SDCBP: variants seen among roughly 807,000 people sequenced by gnomAD.
SDCBP encodes the protein syndecan binding protein.
In SDCBP, 22 loss-of-function variants were observed where a neutral mutation model predicts 30.5. The observed-to-expected ratio is 0.72, with a 90% confidence interval of 0.52 to 1.03. SDCBP has a LOEUF of 1.03. SDCBP is among the 50% of genes least tolerant of loss of function. The probability of loss-of-function intolerance (pLI) is 0.00; values close to 1 mark genes in which losing one functional copy is unlikely to be tolerated. For missense variants in SDCBP, 304 were observed against 369.9 expected (o/e 0.82, Z 1.46); for synonymous variants, 103 against 118.7 (o/e 0.87, Z 0.86).
At chr8:58,561,403 C>A (rs757894901) in intron 1 of SDCBP, 3 of 166,012 alleles carry the variant, frequency 1.8e-5, no homozygotes, top group Non-Finnish European at 2.6e-5. Context: ...TAGAACAATC[C>A]GAAGACATCT....
At chr8:58,555,520 A>G (rs1297587294) in intron 1 of SDCBP, among the ~76,000 whole-genome samples, 2 of 151,880 alleles carry the variant, frequency 1.3e-5, no homozygotes, top group African/African-American at 4.9e-5. Flanking sequence ...CAGGATACTT[A>G]TTAAAAAGAA....
chr8:58,560,587 GCT>G (rs1162651515), intron 1 of SDCBP: 1 of 152,326 alleles, frequency 6.6e-6, no homozygotes, highest in Non-Finnish European at 1.5e-5. Context: ...GCTTGCAGCA[GCT>G]CCAGAGAACC....
intron 2 of SDCBP, among the ~76,000 whole-genome samples, chr8:58,568,786 T>C (rs909019428): frequency 6.6e-6 from 1 of 152,192 alleles, no homozygotes; most frequent in Non-Finnish European, 1.5e-5. Context: ...CTGTATACCA[T>C]TGTAGCATTA....
chr8:58,562,931 T>C (rs1025065610), intron 1 of SDCBP, among the ~76,000 whole-genome samples: 1 of 152,170 alleles, frequency 6.6e-6, no homozygotes, highest in Non-Finnish European at 1.5e-5. Context: ...TCATATATGA[T>C]AGTGGTCTAT....
intron 2 of SDCBP, among the ~76,000 whole-genome samples, chr8:58,567,526 TTTACA>T (rs1240628733): frequency 6.6e-6 from 1 of 152,198 alleles, no homozygotes; most frequent in African/African-American, 2.4e-5. Context: ...AGTCTACATA[TTTACA>T]TTACATCACA....
At chr8:58,572,382 C>T in intron 4 of SDCBP, 68 bp downstream of exon 4, 1 of 1,065,240 alleles carries the variant, frequency 9.4e-7, no homozygotes. Context: ...AAGCTTTCCT[C>T]TTTGTGGCTA....
At chr8:58,570,280 AGTTT>A (rs758513518) in intron 2 of SDCBP, among the ~76,000 whole-genome samples, 2 of 152,152 alleles carry the variant, frequency 1.3e-5, no homozygotes, top group Non-Finnish European at 2.9e-5. Context: ...GATTTTGGCA[AGTTT>A]GTTTAACAGT....
At chr8:58,577,761 G>A (rs959013329) in intron 5 of SDCBP, among the ~76,000 whole-genome samples, 5 of 152,144 alleles carry the variant, frequency 3.3e-5, no homozygotes, top group Non-Finnish European at 7.4e-5. Flanking sequence ...GGGGATTGTG[G>A]TTGGTCAGGT....
At chr8:58,559,288 A>G (rs776222010) in intron 1 of SDCBP, among the ~76,000 whole-genome samples, 1 of 152,218 alleles carries the variant, frequency 6.6e-6, no homozygotes, top group Non-Finnish European at 1.5e-5. Flanking sequence ...TCAAAAATAG[A>G]AATAATATTA....
rs920140173 is a variant in SDCBP, at chr8:58,578,017, T to C, written c.403-16T>C. 2.5e-6 allele frequency: 4 copies of C among 1,601,572 alleles called. No individual in the cohort carries two copies. The African/African-American group carries it at 5.4e-5, about 21-fold the overall frequency. On this transcript the variant is annotated splice_polypyrimidine_tract_variant and intron_variant, in intron 5 of 8. Coordinates refer to ENST00000260130, the MANE Select transcript of SDCBP (RefSeq NM_005625.4). The stretch of plus-strand genomic sequence containing the variant: ...TAGTAGTGGTAAATGACAAAAATTA[T>C]TTTCTTATTATCTAGGGTATATTTG...
chr8:58,559,835 G>T (rs543005523), intron 1 of SDCBP, among the ~76,000 whole-genome samples: 156 of 152,318 alleles, frequency 1.0e-3, no homozygotes, highest in Admixed American at 2.0e-3. Context: ...CAGCTGCAGT[G>T]AAGATGGTAG....
At chr8:58,557,279 A>G (rs1204369703) in intron 1 of SDCBP, among the ~76,000 whole-genome samples, 3 of 133,562 alleles carry the variant, frequency 2.2e-5, no homozygotes, top group Non-Finnish European at 4.6e-5. Flanking sequence ...TTATATTTAA[A>G]ATATTTATAT....
chr8:58,568,722 T>C (rs1804846030), intron 2 of SDCBP, among the ~76,000 whole-genome samples: 1 of 152,174 alleles, frequency 6.6e-6, no homozygotes, highest in African/African-American at 2.4e-5. Context: ...TATAATCTCA[T>C]GGGACCACTA....
rs77592324 is a variant in SDCBP, at chr8:58,565,567, T to G, written c.51+483T>G. 9.6e-3 allele frequency among the ~76,000 whole-genome samples: 1,460 copies of G among 152,210 alleles called. 20 individuals carry two copies. Among genetic ancestry groups the G allele is most frequent in the African/African-American group, 0.033 (1,383 of 41,556 alleles). On this transcript the variant is annotated intron_variant, in intron 2 of 8. Transcript: ENST00000260130. The stretch of plus-strand genomic sequence containing the variant: ...GGAAAGTGTAGTGATTTCTTTCCTT[T>G]GAGAGATGAGCAGCAGACATTTCAC...
chr8:58,571,003 A>C, intron 3 of SDCBP, 38 bp downstream of exon 3: 2 of 1,434,874 alleles, frequency 1.4e-6, no homozygotes, highest in Non-Finnish European at 2.0e-6. Flanking sequence ...TGTGAACAGA[A>C]ATATTGTTAT....
At chr8:58,580,454 A>G (rs1271548876) in intron 7 of SDCBP, 63 bp from the exon 8 acceptor site, 1 of 812,414 alleles carries the variant, frequency 1.2e-6, no homozygotes. Flanking sequence ...CAAGACTGGC[A>G]TAGTTTTGTA....
chr8:58,580,057 A>G (rs2129608432), intron 7 of SDCBP: 1 of 340,398 alleles, frequency 2.9e-6, no homozygotes, highest in East Asian at 5.1e-5. Flanking sequence ...AAGATTTAGA[A>G]TATGAATAGT....
chr8:58,570,769 T>TA, intron 2 of SDCBP, 118 bp from the exon 3 acceptor site: 1 of 671,746 alleles, frequency 1.5e-6, no homozygotes, highest in South Asian at 2.1e-5. Context: ...TAAACTTTCT[T>TA]ACATAAATCT....
chr8:58,561,446 G>A (rs1202639848), intron 1 of SDCBP: 4 of 208,588 alleles, frequency 1.9e-5, no homozygotes, highest in Admixed American at 5.7e-5. Context: ...AATTGTCAAA[G>A]AATTTTGAAA....
Sources: gnomAD v4.1 joint callset for allele counts (sites outside exome capture counted in the v4.1 genomes callset) on GRCh38, gnomAD v4.1.1 for gene constraint, MANE v1.5 for transcripts, NCBI Gene and HGNC (gene_info 2026-07-23, HGNC 2026-07-21) for gene names.